SWT1: variants seen among roughly 807,000 people sequenced by gnomAD.
SWT1 encodes the protein SWT1 RNA endoribonuclease homolog.
In SWT1, 33 loss-of-function variants were observed where a neutral mutation model predicts 107.3. That is an observed-to-expected ratio of 0.31 (90% CI 0.23 to 0.41). The LOEUF is 0.41. Among genes scored for constraint, SWT1 ranks in the 10% least tolerant of loss-of-function variants. SWT1 has a pLI of 1.00. For missense variants in SWT1, 898 were observed against 1,028.9 expected, an observed-to-expected ratio of 0.87 and a Z score of 1.74; for synonymous variants, 345 against 348.3, an observed-to-expected ratio of 0.99 and a Z score of 0.11.
At chr1:185,229,977 T>C (rs1393855737) in intron 15 of SWT1, among the ~76,000 whole-genome samples, 2 of 152,168 alleles carry the variant, frequency 1.3e-5, no homozygotes, top group African/African-American at 2.4e-5. Flanking sequence ...GTTTCCTTTT[T>C]GGGTAATGAA....
chr1:185,256,963 T>C (rs1302622523), intron 16 of SWT1, among the ~76,000 whole-genome samples: 1 of 152,194 alleles, frequency 6.6e-6, no homozygotes, highest in Non-Finnish European at 1.5e-5. Flanking sequence ...GTTTTTGATG[T>C]GGCTGTCCTT....
intron 16 of SWT1, among the ~76,000 whole-genome samples, chr1:185,241,495 TAC>T (rs1438970150): frequency 6.6e-6 from 1 of 152,180 alleles, no homozygotes; most frequent in Admixed American, 6.5e-5. Context: ...GAAAAAATAA[TAC>T]AATTTATTGT....
chr1:185,288,517 T>A (rs1665076633), intron 18 of SWT1, among the ~76,000 whole-genome samples: 1 of 152,218 alleles, frequency 6.6e-6, no homozygotes, highest in African/African-American at 2.4e-5. Context: ...TCCCCTCAGT[T>A]CTTCTTCCTT....
intron 2 of SWT1, among the ~76,000 whole-genome samples, chr1:185,166,231 T>G (rs148282703): frequency 2.3e-4 from 35 of 152,346 alleles, no homozygotes; most frequent in African/African-American, 8.2e-4. Flanking sequence ...GAATTCAGAA[T>G]CCAGTGAAAA....
At chr1:185,270,999 C>G (rs1420739186) in intron 16 of SWT1, among the ~76,000 whole-genome samples, 2 of 152,188 alleles carry the variant, frequency 1.3e-5, no homozygotes, top group Non-Finnish European at 2.9e-5. Context: ...CTTCACATTT[C>G]TGTCTACTTT....
chr1:185,248,791 A>AG (rs1661794874), intron 16 of SWT1, among the ~76,000 whole-genome samples: 1 of 151,252 alleles, frequency 6.6e-6, no homozygotes, highest in Non-Finnish European at 1.5e-5. Flanking sequence ...AAAAAAAAAA[A>AG]AAGACAAAAG....
chr1:185,258,700 G>A (rs1041500195), intron 16 of SWT1, among the ~76,000 whole-genome samples: 1 of 151,942 alleles, frequency 6.6e-6, no homozygotes, highest in Non-Finnish European at 1.5e-5. Flanking sequence ...TTTTTTGCTA[G>A]CTAATGCCTT....
intron 10 of SWT1, among the ~76,000 whole-genome samples, 163 bp from the exon 11 acceptor site, chr1:185,202,491 C>G (rs537718044): frequency 2.0e-5 from 3 of 152,004 alleles, no homozygotes; most frequent in East Asian, 3.9e-4. Flanking sequence ...AGAATGGTGC[C>G]TAGTACCCAA....
In SWT1 at chr1:185,180,428, G is replaced by A. The variant is rs1215883475; in HGVS notation, c.1004G>A (p.Ser335Asn). Reference sequence around the variant, plus strand: ...CCATGTTGTTCCGTGTCATCTGAAAGTATCCAGGATGCAGATCAAGAGGTT... The same window carrying A: ...CCATGTTGTTCCGTGTCATCTGAAAATATCCAGGATGCAGATCAAGAGGTT... Reference protein sequence around the residue: ...EAPCCSVSSESIQDADQEMQI... With the variant: ...EAPCCSVSSENIQDADQEMQI... Residue 335 changes from serine (S) to asparagine (N), a missense_variant, in exon 6 of 19, where the codon AGT (serine) becomes AAT (asparagine). Ser to Asn is a conservative substitution (Grantham distance 46). Coordinates refer to ENST00000367500, the MANE Select transcript of SWT1 (RefSeq NM_017673.7). The A allele has an allele frequency of 1.9e-6, 3 of 1,613,108 alleles. No homozygotes were observed. Among genetic ancestry groups the A allele is most frequent in the Non-Finnish European group, 2.5e-6 (3 of 1,179,252 alleles).
intron 10 of SWT1, among the ~76,000 whole-genome samples, chr1:185,193,445 T>C (rs1022158703): frequency 1.3e-5 from 2 of 151,930 alleles, no homozygotes; most frequent in Admixed American, 1.3e-4. Flanking sequence ...TTCTATAACC[T>C]TACTGGCCTA....
intron 14 of SWT1, among the ~76,000 whole-genome samples, chr1:185,219,411 A>C (rs1461675471): frequency 6.6e-6 from 1 of 152,234 alleles, no homozygotes; most frequent in Non-Finnish European, 1.5e-5. Flanking sequence ...CTGAGAAAGT[A>C]CATAACAAAT....
At chr1:185,275,378 C>A (rs1664170542) in intron 17 of SWT1, among the ~76,000 whole-genome samples, 1 of 150,368 alleles carries the variant, frequency 6.7e-6, no homozygotes, top group Non-Finnish European at 1.5e-5. Context: ...TTAGAAGATT[C>A]TCTTAAAAAT....
intron 14 of SWT1, among the ~76,000 whole-genome samples, chr1:185,217,310 C>G (rs140840543): frequency 2.6e-5 from 4 of 152,278 alleles, no homozygotes; most frequent in African/African-American, 7.2e-5. Context: ...AGCGAGCAAG[C>G]AAGCAAAACT....
chr1:185,257,158 G>A, intron 16 of SWT1, among the ~76,000 whole-genome samples: 1 of 152,150 alleles, frequency 6.6e-6, no homozygotes. Flanking sequence ...CCAGCTGTGT[G>A]CTGGGAGAAC....
At chr1:185,269,992 AGATGAT>A (rs576585026) in intron 16 of SWT1, among the ~76,000 whole-genome samples, 1 of 152,188 alleles carries the variant, frequency 6.6e-6, no homozygotes, top group African/African-American at 2.4e-5. Flanking sequence ...CATCTTTATT[AGATGAT>A]GATGATGATG....
chr1:185,171,821 C>T (rs1196175674), intron 4 of SWT1: 3 of 339,990 alleles, frequency 8.8e-6, no homozygotes, highest in Non-Finnish European at 1.7e-5. Flanking sequence ...AAGTGATCCT[C>T]CCACTTCAGC....
chr1:185,203,803 T>C (rs996438949), intron 11 of SWT1, among the ~76,000 whole-genome samples: 1 of 152,172 alleles, frequency 6.6e-6, no homozygotes, highest in African/African-American at 2.4e-5. Context: ...ATGTGCATTT[T>C]ATATATAATT....
At chr1:185,277,361 T>G (rs183749718) in intron 18 of SWT1, among the ~76,000 whole-genome samples, 1 of 152,206 alleles carries the variant, frequency 6.6e-6, no homozygotes, top group Non-Finnish European at 1.5e-5. Flanking sequence ...CGATCTTGGC[T>G]CATTGCAACC....
At chr1:185,200,844 G>A (rs749429434) in intron 10 of SWT1, among the ~76,000 whole-genome samples, 1 of 152,104 alleles carries the variant, frequency 6.6e-6, no homozygotes, top group Non-Finnish European at 1.5e-5. Flanking sequence ...CTGAAACTGT[G>A]CCCACAGCCG....
Sources: gnomAD v4.1 joint callset for allele counts (sites outside exome capture counted in the v4.1 genomes callset) on GRCh38, gnomAD v4.1.1 for gene constraint, MANE v1.5 for transcripts, NCBI Gene and HGNC (gene_info 2026-07-23, HGNC 2026-07-21) for gene names.